ATP8A2: variants seen among roughly 807,000 people sequenced by gnomAD.
ATP8A2 encodes phospholipid-transporting ATPase IB.
Under a neutral mutation model 165.6 loss-of-function variants are expected in ATP8A2, and 100 were observed. The ratio of observed to expected loss-of-function variants is 0.60; its 90% CI spans 0.51 to 0.71. ATP8A2 has a LOEUF of 0.71. Among genes scored for constraint, ATP8A2 ranks in the 30% least tolerant of loss-of-function variants. ATP8A2 has a pLI of 0.00. For synonymous variants in ATP8A2, 543 were observed against 548.8 expected (o/e 0.99, Z 0.15); for missense variants, 1,227 against 1,479.5 (o/e 0.83, Z 2.80).
chr13:25,969,762 G>A (rs1488482301), intron 35 of ATP8A2, among the ~76,000 whole-genome samples: 1 of 152,178 alleles, frequency 6.6e-6, no homozygotes, highest in East Asian at 1.9e-4. Context: ...TTTTATAGCA[G>A]CTATGCTAGC....
chr13:25,676,644 G>A (rs1274881028), intron 24 of ATP8A2, among the ~76,000 whole-genome samples: 1 of 152,110 alleles, frequency 6.6e-6, no homozygotes, highest in Non-Finnish European at 1.5e-5. Context: ...AGTTTGCCAA[G>A]TGGAAAGGAA....
chr13:25,470,568 A>G (rs999221390), intron 2 of ATP8A2, among the ~76,000 whole-genome samples: 3 of 152,226 alleles, frequency 2.0e-5, no homozygotes, highest in African/African-American at 4.8e-5. Context: ...AAAAGGTTCA[A>G]TGTAAAGTTA....
intron 1 of ATP8A2, among the ~76,000 whole-genome samples, chr13:25,444,395 T>C (rs1041077257): frequency 2.6e-5 from 4 of 152,190 alleles, no homozygotes; most frequent in African/African-American, 9.7e-5. Context: ...TTACCTTGGA[T>C]AAAATACCTA....
At chr13:25,593,037 A>G (rs1187968283) in intron 24 of ATP8A2, among the ~76,000 whole-genome samples, 1 of 151,790 alleles carries the variant, frequency 6.6e-6, no homozygotes, top group African/African-American at 2.4e-5. Context: ...GGAAGATTCT[A>G]CTCCTTCCTT....
rs755131929 is a variant in ATP8A2 at position 25,559,078 on chromosome 13, T to G, written c.1352+17T>G. ...AACCTATGGGTCAGTGTGTTTATCATTTACTGAAAATTTACTTGTATTCTT... is the reference window on the plus strand; with the variant it reads ...AACCTATGGGTCAGTGTGTTTATCAGTTACTGAAAATTTACTTGTATTCTT... On this transcript the variant is annotated intron_variant, in intron 14 of 36. Coordinates refer to ENST00000381655, the MANE Select transcript of ATP8A2 (RefSeq NM_016529.6). 1 of 1,535,898 alleles carries G rather than the reference T, an allele frequency of 6.5e-7. No homozygotes were observed. The highest frequency in any genetic ancestry group is 8.9e-7 in the Non-Finnish European group (1 of 1,123,486).
chr13:26,007,745 G>A (rs887867796), intron 35 of ATP8A2, among the ~76,000 whole-genome samples: 1 of 152,196 alleles, frequency 6.6e-6, no homozygotes, highest in Non-Finnish European at 1.5e-5. Context: ...GGTTAGAGGA[G>A]GTGAAGCCAA....
At chr13:25,411,956 A>G (rs186387638) in intron 1 of ATP8A2, among the ~76,000 whole-genome samples, 2 of 152,226 alleles carry the variant, frequency 1.3e-5, no homozygotes, top group African/African-American at 4.8e-5. Flanking sequence ...TATCTAAATA[A>G]AAATGCAGTT....
At chr13:25,435,901 A>AG (rs2034745789) in intron 1 of ATP8A2, among the ~76,000 whole-genome samples, 1 of 138,668 alleles carries the variant, frequency 7.2e-6, no homozygotes, top group Admixed American at 7.3e-5. Flanking sequence ...CACGCAGTTA[A>AG]GAAAAAGCAT....
chr13:25,744,838 A>G (rs934131218), intron 25 of ATP8A2, among the ~76,000 whole-genome samples: 25 of 152,322 alleles, frequency 1.6e-4, no homozygotes, highest in African/African-American at 5.8e-4. Flanking sequence ...AGAGGAAAGG[A>G]CCTTAAATGT....
intron 25 of ATP8A2, among the ~76,000 whole-genome samples, chr13:25,720,206 C>T (rs1350935938): frequency 1.3e-4 from 16 of 123,904 alleles, no homozygotes; most frequent in Non-Finnish European, 1.8e-4. Context: ...CTCACTCTGT[C>T]GCCCAGGCTG....
intron 30 of ATP8A2, among the ~76,000 whole-genome samples, chr13:25,840,418 T>C (rs1164702706): frequency 6.6e-6 from 1 of 152,202 alleles, no homozygotes; most frequent in Non-Finnish European, 1.5e-5. Context: ...AGTTTTATGC[T>C]TCAAACAGAA....
At chr13:25,909,833 T>A (rs2138987269) in intron 33 of ATP8A2, among the ~76,000 whole-genome samples, 1 of 152,296 alleles carries the variant, frequency 6.6e-6, no homozygotes, top group African/African-American at 2.4e-5. Context: ...TTATATCCAC[T>A]GTTCTACTTC....
chr13:25,918,563 G>A (rs994857572), intron 33 of ATP8A2, among the ~76,000 whole-genome samples: 1 of 152,146 alleles, frequency 6.6e-6, no homozygotes, highest in Non-Finnish European at 1.5e-5. Flanking sequence ...TAATTTGGAA[G>A]GGAATAAGCA....
intron 27 of ATP8A2, among the ~76,000 whole-genome samples, chr13:25,800,160 A>G (rs990477011): frequency 6.6e-6 from 1 of 152,236 alleles, no homozygotes; most frequent in African/African-American, 2.4e-5. Flanking sequence ...GTGCGATGTA[A>G]CTTGTCCACA....
intron 25 of ATP8A2, among the ~76,000 whole-genome samples, chr13:25,723,660 G>A (rs1256452956): frequency 6.6e-6 from 1 of 152,014 alleles, no homozygotes; most frequent in Non-Finnish European, 1.5e-5. Context: ...GTTGTTTGGG[G>A]TAGGTGAAAA....
At chr13:25,752,385 C>T (rs947654749) in intron 25 of ATP8A2, among the ~76,000 whole-genome samples, 2 of 151,738 alleles carry the variant, frequency 1.3e-5, no homozygotes, top group African/African-American at 2.4e-5. Flanking sequence ...CGCTTGAACC[C>T]GGGAAAAGGT....
intron 27 of ATP8A2, among the ~76,000 whole-genome samples, chr13:25,820,680 A>G (rs1481358934): frequency 2.0e-5 from 3 of 152,216 alleles, no homozygotes; most frequent in Non-Finnish European, 4.4e-5. Flanking sequence ...ACATTTGTAT[A>G]TGACTTACTA....
chr13:25,745,427 A>C (rs1010887297), intron 25 of ATP8A2, among the ~76,000 whole-genome samples: 2 of 152,238 alleles, frequency 1.3e-5, no homozygotes, highest in Non-Finnish European at 2.9e-5. Context: ...TGTAAAGTCA[A>C]CTTACAATGA....
intron 2 of ATP8A2, among the ~76,000 whole-genome samples, chr13:25,487,213 C>T (rs575013842): frequency 2.0e-5 from 3 of 152,240 alleles, no homozygotes; most frequent in East Asian, 1.9e-4. Context: ...AGTTCTCGTT[C>T]GTGGCATTTT....
Sources: gnomAD v4.1 joint callset for allele counts (sites outside exome capture counted in the v4.1 genomes callset) on GRCh38, gnomAD v4.1.1 for gene constraint, MANE v1.5 for transcripts, NCBI Gene and HGNC (gene_info 2026-07-23, HGNC 2026-07-21) for gene names.